PTGER3: variants seen among roughly 807,000 people sequenced by gnomAD.
The protein encoded by PTGER3 is prostaglandin E receptor 3, also known as prostaglandin E2 receptor EP3 subtype.
Under a neutral mutation model 34.7 loss-of-function variants are expected in PTGER3, and 22 were observed. That is an observed-to-expected ratio of 0.63 (90% CI 0.45 to 0.91). The LOEUF (loss-of-function observed/expected upper bound fraction) is 0.91. PTGER3 is among the 40% of genes least tolerant of loss of function. The probability of loss-of-function intolerance (pLI) is 0.00; values close to 1 mark genes in which losing one functional copy is unlikely to be tolerated. For missense variants in PTGER3, 468 were observed against 519.4 expected (o/e 0.90, Z 0.96); for synonymous variants, 241 against 230.1 (o/e 1.05, Z -0.43).
chr1:70,910,937 C>A (rs748000144), intron 4 of PTGER3, among the ~76,000 whole-genome samples: 10 of 151,876 alleles, frequency 6.6e-5, no homozygotes, highest in Non-Finnish European at 1.0e-4. Context: ...CAAAAATTAT[C>A]CAGGCATGGT....
At chr1:70,971,755 G>A (rs773378230) in intron 3 of PTGER3, 22 bp from the exon 4 acceptor site, 6 of 1,482,688 alleles carry the variant, frequency 4.0e-6, no homozygotes, top group Admixed American at 1.9e-5. Flanking sequence ...GAGAGAGAAA[G>A]ATGCAATAAG....
At chr1:70,853,091 T>C (rs1041879578) in intron 4 of PTGER3, among the ~76,000 whole-genome samples, 36 of 152,212 alleles carry the variant, frequency 2.4e-4, no homozygotes, top group African/African-American at 8.0e-4. Flanking sequence ...TAAAAAATTT[T>C]TCTACAAACA....
chr1:71,004,380 A>G (rs1266338971), intron 2 of PTGER3, among the ~76,000 whole-genome samples: 1 of 152,186 alleles, frequency 6.6e-6, no homozygotes, highest in Non-Finnish European at 1.5e-5. Flanking sequence ...ATGTATGATA[A>G]TAACTCTAGA....
At chr1:70,869,380 C>A in intron 4 of PTGER3, 1 of 431,376 alleles carries the variant, frequency 2.3e-6, no homozygotes, top group Non-Finnish European at 4.7e-6. Context: ...CAAACTATAT[C>A]ATTCCACCCC....
At chr1:70,878,761 C>T (rs1200291751) in intron 4 of PTGER3, among the ~76,000 whole-genome samples, 2 of 152,122 alleles carry the variant, frequency 1.3e-5, no homozygotes, top group South Asian at 2.1e-4. Flanking sequence ...TGTTTAATTT[C>T]CATACAATTG....
chr1:70,906,002 C>A (rs1474980331), intron 4 of PTGER3, among the ~76,000 whole-genome samples: 1 of 151,584 alleles, frequency 6.6e-6, no homozygotes, highest in Non-Finnish European at 1.5e-5. Flanking sequence ...CTGTGCTGTT[C>A]TCATGATAGT....
chr1:70,936,594 A>G (rs751625413), intron 4 of PTGER3, among the ~76,000 whole-genome samples: 6 of 152,198 alleles, frequency 3.9e-5, no homozygotes, highest in Non-Finnish European at 8.8e-5. Context: ...GCAATGGCCT[A>G]CAAAATGGAA....
chr1:70,879,438 A>T (rs946977501), intron 4 of PTGER3, among the ~76,000 whole-genome samples: 1 of 151,826 alleles, frequency 6.6e-6, no homozygotes, highest in Non-Finnish European at 1.5e-5. Context: ...GTAGAGATGG[A>T]GTTTTCCCAT....
At chr1:70,953,052 C>G in exon 4 of PTGER3, 2 of 1,590,608 alleles carry the variant, frequency 1.3e-6, no homozygotes, top group Non-Finnish European at 1.7e-6. Context: ...CTGCAAACTG[C>G]AGATTAACTA....
chr1:70,956,830 C>T (rs1380599127), intron 2 of PTGER3, among the ~76,000 whole-genome samples: 1 of 152,076 alleles, frequency 6.6e-6, no homozygotes, highest in Non-Finnish European at 1.5e-5. Context: ...ATGGTGAAAC[C>T]CCATCTCGAC....
At chr1:71,010,183 T>C (rs1185704022) in intron 2 of PTGER3, 2 of 984,904 alleles carry the variant, frequency 2.0e-6, no homozygotes, top group East Asian at 1.1e-4. Context: ...ATTCTTGTGA[T>C]AGTAATGTCC....
intron 1 of PTGER3, among the ~76,000 whole-genome samples, chr1:71,029,926 AAATAATAATAAT>A (rs3044586): frequency 5.6e-5 from 8 of 144,110 alleles, no homozygotes; most frequent in African/African-American, 1.0e-4. Context: ...ACTCCATCTC[AAATAATAATAAT>A]AATAATAATA....
chr1:70,861,220 C>T (rs1161612653), intron 4 of PTGER3, among the ~76,000 whole-genome samples: 3 of 152,166 alleles, frequency 2.0e-5, no homozygotes, highest in African/African-American at 4.8e-5. Flanking sequence ...TATGCAAAAG[C>T]CTCAGAGATG....
chr1:70,915,953 T>C (rs902066639), intron 4 of PTGER3, among the ~76,000 whole-genome samples: 1 of 151,904 alleles, frequency 6.6e-6, no homozygotes, highest in African/African-American at 2.4e-5. Context: ...AACAGACAAC[T>C]AGAAAATGGG....
intron 4 of PTGER3, among the ~76,000 whole-genome samples, chr1:70,911,499 A>G (rs901418335): frequency 1.3e-5 from 2 of 152,146 alleles, no homozygotes; most frequent in Admixed American, 6.6e-5. Context: ...TTGTCTGTTC[A>G]TACTGATCTT....
chr1:70,853,472 GT>G (rs1459231197), intron 4 of PTGER3, among the ~76,000 whole-genome samples: 1 of 152,162 alleles, frequency 6.6e-6, no homozygotes, highest in Non-Finnish European at 1.5e-5. Flanking sequence ...ATATTAAAAT[GT>G]GGACCTTGTT....
intron 4 of PTGER3, among the ~76,000 whole-genome samples, chr1:70,892,813 C>T (rs1476903375): frequency 1.4e-5 from 2 of 145,908 alleles, no homozygotes; most frequent in East Asian, 4.0e-4. Flanking sequence ...TGCACTCCAG[C>T]CTGGGTGACA....
chr1:70,957,032 T>C (rs1651416685), intron 2 of PTGER3, among the ~76,000 whole-genome samples: 1 of 152,164 alleles, frequency 6.6e-6, no homozygotes, highest in Non-Finnish European at 1.5e-5. Flanking sequence ...GTTTGTTATA[T>C]TCTTGTGAAG....
At chr1:70,862,257 A>T in intron 4 of PTGER3, 1 of 1,104,348 alleles carries the variant, frequency 9.1e-7, no homozygotes, top group Non-Finnish European at 1.2e-6. Flanking sequence ...ACTAAGTAAA[A>T]AAAAATATTA....
Sources: gnomAD v4.1 joint callset for allele counts (sites outside exome capture counted in the v4.1 genomes callset) on GRCh38, gnomAD v4.1.1 for gene constraint, MANE v1.5 for transcripts, NCBI Gene and HGNC (gene_info 2026-07-23, HGNC 2026-07-21) for gene names.